LARS1: variants seen among roughly 807,000 people sequenced by gnomAD.
LARS1 encodes the protein leucyl-tRNA synthetase 1, also known as leucine--tRNA ligase, cytoplasmic.
LARS1 carries 100 observed loss-of-function variants against 162.8 expected under a neutral mutation model. The ratio of observed to expected loss-of-function variants is 0.61; its 90% CI spans 0.52 to 0.73. The LOEUF is 0.73. Ranked by LOEUF, LARS1 falls within the 30% of genes least tolerant of loss-of-function variation. The probability of loss-of-function intolerance (pLI) is 0.00; values close to 1 mark genes in which losing one functional copy is unlikely to be tolerated. For synonymous variants in LARS1, 457 were observed against 462.8 expected, an observed-to-expected ratio of 0.99 and a Z score of 0.16; for missense variants, 1,258 against 1,408.9, an observed-to-expected ratio of 0.89 and a Z score of 1.71.
rs869050326 is a variant in LARS1, at chr5:146,175,540, C to CA, written c.125+2006dup. On this transcript the variant is annotated intron_variant, in intron 2 of 31. Coordinates refer to ENST00000394434, the MANE Select transcript of LARS1 (RefSeq NM_020117.11). ...TAGGCAACAGAGCAAGACTCCACCT[C>CA]AAAAAAAAAAAAAAAAAGGCCGGGC... Among the ~76,000 whole-genome samples, 587 of 64,522 alleles carry CA rather than the reference C, an allele frequency of 9.1e-3. 5 individuals carry two copies. The highest frequency in any genetic ancestry group is 0.036 in the African/African-American group (427 of 11,988). 42.3% of individuals were successfully genotyped at this position (64,522 alleles called of 152,430 possible).
chr5:146,133,145 A>T, intron 22 of LARS1, 64 bp from the exon 23 acceptor site: 2 of 1,423,370 alleles, frequency 1.4e-6, no homozygotes, highest in Non-Finnish European at 9.8e-7. Flanking sequence ...ACTGTGTCCT[A>T]TGTGTCCAGT....
chr5:146,115,932 G>C (rs1375038425), intron 31 of LARS1, among the ~76,000 whole-genome samples: 2 of 152,188 alleles, frequency 1.3e-5, no homozygotes, highest in East Asian at 3.8e-4. Context: ...AGAGGGATAA[G>C]AGATAAAAGA....
chr5:146,131,496 T>TG (rs1304820160), intron 23 of LARS1: 724 of 58,284 alleles, frequency 0.012, 3 homozygotes, highest in Middle Eastern at 0.08. Context: ...GTTTTTTTTT[T>TG]TTTTTTTTTT....
intron 13 of LARS1, 148 bp from the exon 14 acceptor site, chr5:146,152,150 G>C: frequency 1.2e-6 from 1 of 854,904 alleles, no homozygotes; most frequent in Admixed American, 2.3e-5. Context: ...TAATCACAGA[G>C]TGACTAACTT....
chr5:146,128,846 C>A (rs1752152979), intron 26 of LARS1, 64 bp from the exon 27 acceptor site: 3 of 1,457,758 alleles, frequency 2.1e-6, no homozygotes, highest in East Asian at 2.3e-5. Flanking sequence ...TGAGAAGAAC[C>A]CTCCCCCAAC....
At position 146,143,418 on chromosome 5, in the gene LARS1, C is replaced by T; in HGVS notation, c.1871G>A (p.Gly624Asp). The T allele has an allele frequency of 6.2e-7, 1 of 1,611,922 alleles. No individual in the cohort carries two copies. Among genetic ancestry groups the T allele is most frequent in the Non-Finnish European group, 8.5e-7 (1 of 1,178,542 alleles). The change falls in exon 19 of 32, where the codon GGC (glycine) becomes GAC (aspartate). Residue 624 changes from glycine (G) to aspartate (D), a missense_variant. Physicochemically the swap from Gly to Asp is moderately conservative, Grantham distance 94. Transcript: ENST00000394434. Reference protein sequence around the residue: ...NLHGQAESPLGIRPQQMTKEV... With the variant: ...NLHGQAESPLDIRPQQMTKEV... ...CCCTTATCTGTTTACCAACCTAATG[C>T]CCAGCGGAGACTCTGCCTGTCCATG...
chr5:146,164,488 A>G lies in LARS1; in HGVS notation c.433-17T>C. The G allele has an allele frequency of 3.1e-6, 5 of 1,611,044 alleles. No homozygotes were observed. Among genetic ancestry groups the G allele is most frequent in the Non-Finnish European group, 4.2e-6 (5 of 1,178,810 alleles). Reference sequence around the variant, plus strand: ...AGCTTTACTCTGAAAATAATGGAGAAAAATAAACTCGATCAAAGAATAACC... The same window carrying G: ...AGCTTTACTCTGAAAATAATGGAGAGAAATAAACTCGATCAAAGAATAACC... On this transcript the variant is annotated splice_polypyrimidine_tract_variant and intron_variant, in intron 5 of 31. Coordinates refer to ENST00000394434, the MANE Select transcript of LARS1 (RefSeq NM_020117.11).
chr5:146,120,595 G>C, intron 30 of LARS1, 92 bp from the exon 31 acceptor site: 1 of 1,203,132 alleles, frequency 8.3e-7, no homozygotes, highest in Non-Finnish European at 1.2e-6. Context: ...ATGAAAGACA[G>C]ATCTAATTCT....
intron 2 of LARS1, among the ~76,000 whole-genome samples, chr5:146,175,464 C>T (rs1754514262): frequency 6.6e-6 from 1 of 150,716 alleles, no homozygotes; most frequent in Admixed American, 6.7e-5. Flanking sequence ...AATCATTGAA[C>T]CCGGGAGGCA....
chr5:146,116,377 TTCTC>T (rs1234945691), intron 31 of LARS1, among the ~76,000 whole-genome samples: 2 of 152,160 alleles, frequency 1.3e-5, no homozygotes, highest in Non-Finnish European at 2.9e-5. Flanking sequence ...CACACACTCT[TTCTC>T]TCTGTCTAAA....
chr5:146,142,858 A>G lies in LARS1; in HGVS notation c.2090+14T>C, dbSNP rs1438376283. Reference sequence around the variant, plus strand: ...CAATCAATAAATCTAGTCCACACCTATTTTATCATTCACCTTTGTTCCGGC... The same window carrying G: ...CAATCAATAAATCTAGTCCACACCTGTTTTATCATTCACCTTTGTTCCGGC... On this transcript the variant is annotated intron_variant, in intron 20 of 31. Coordinates refer to ENST00000394434, the MANE Select transcript of LARS1 (RefSeq NM_020117.11). 5 of 1,598,984 alleles carry G rather than the reference A, an allele frequency of 3.1e-6. No homozygotes were observed. The highest frequency in any genetic ancestry group is 3.4e-6 in the Non-Finnish European group (4 of 1,167,024).
At chr5:146,145,835 G>A (rs759702477) in intron 15 of LARS1, among the ~76,000 whole-genome samples, 7 of 152,104 alleles carry the variant, frequency 4.6e-5, no homozygotes, top group Non-Finnish European at 1.0e-4. Context: ...AACAAAGAGG[G>A]TTTTACAAAT....
chr5:146,143,215 C>G, intron 19 of LARS1, 131 bp from the exon 20 acceptor site: 1 of 809,704 alleles, frequency 1.2e-6, no homozygotes, highest in South Asian at 2.7e-5. Flanking sequence ...ATAAGGACAA[C>G]AGCTTCCATA....
At chr5:146,177,839 C>T (rs1424912348) in intron 1 of LARS1, among the ~76,000 whole-genome samples, 174 bp from the exon 2 acceptor site, 4 of 152,144 alleles carry the variant, frequency 2.6e-5, no homozygotes, top group East Asian at 1.9e-4. Context: ...GTGGCTCATG[C>T]GTGTAATCCC....
intron 20 of LARS1, among the ~76,000 whole-genome samples, chr5:146,141,656 T>C (rs2126474980): frequency 6.6e-6 from 1 of 150,932 alleles, no homozygotes; most frequent in Admixed American, 6.6e-5. Context: ...ATAAACAAAA[T>C]TAGCCAGGCA....
chr5:146,178,318 A>G (rs936438970), intron 1 of LARS1, among the ~76,000 whole-genome samples: 12 of 152,064 alleles, frequency 7.9e-5, no homozygotes, highest in Non-Finnish European at 1.3e-4. Context: ...TTCATATGAA[A>G]TTTAAATAAA....
At chr5:146,136,035 T>C (rs1427557788) in intron 21 of LARS1, among the ~76,000 whole-genome samples, 1 of 152,236 alleles carries the variant, frequency 6.6e-6, no homozygotes, top group Non-Finnish European at 1.5e-5. Context: ...AGAAATGGAA[T>C]GGACCAGCTC....
intron 2 of LARS1, among the ~76,000 whole-genome samples, chr5:146,173,268 C>CA (rs1431245924): frequency 6.6e-6 from 1 of 151,624 alleles, no homozygotes; most frequent in Non-Finnish European, 1.5e-5. Context: ...ATCGCCTGAT[C>CA]ATTGAACCTG....
At chr5:146,163,896 G>A (rs1753889130) in intron 6 of LARS1, among the ~76,000 whole-genome samples, 1 of 152,014 alleles carries the variant, frequency 6.6e-6, no homozygotes, top group Non-Finnish European at 1.5e-5. Context: ...GTTAATAACT[G>A]GCTTCAAGAT....
Sources: allele counts gnomAD v4.1 joint callset (sites outside exome capture counted in the v4.1 genomes callset), GRCh38; gene constraint gnomAD v4.1.1; transcripts MANE v1.5; gene names NCBI Gene and HGNC (gene_info 2026-07-23, HGNC 2026-07-21).